Variants in GALNT13 observed in about 807,000 individuals in gnomAD.
The protein encoded by GALNT13 is UDP-GalNAc:polypeptide N-acetylgalactosaminyltransferase 13.
Under a neutral mutation model 64.2 loss-of-function variants are expected in GALNT13, and 28 were observed. The observed-to-expected ratio is 0.44, with a 90% CI of 0.32 to 0.60. The LOEUF is 0.60. Ranked by LOEUF, GALNT13 falls within the 20% of genes least tolerant of loss-of-function variation. The probability of loss-of-function intolerance (pLI) is 0.05; values close to 1 mark genes in which losing one functional copy is unlikely to be tolerated. For synonymous variants in GALNT13, 214 were observed against 224.6 expected, an observed-to-expected ratio of 0.95 and a Z score of 0.42; for missense variants, 577 against 669.8, an observed-to-expected ratio of 0.86 and a Z score of 1.53.
chr2:154,019,205 C>T (rs936237819), intron 3 of GALNT13, among the ~76,000 whole-genome samples: 1 of 152,034 alleles, frequency 6.6e-6, no homozygotes. Flanking sequence ...AGAAACTTAA[C>T]CAAGATATAA....
chr2:153,294,976 T>G, the GALNT13 span, among the ~76,000 whole-genome samples: 4 of 152,170 alleles, frequency 2.6e-5, no homozygotes, highest in Admixed American at 6.5e-5. Flanking sequence ...AGTGATCTCT[T>G]AGGAAACTGG....
At chr2:154,215,649 C>T (rs1363260848) in intron 4 of GALNT13, among the ~76,000 whole-genome samples, 1 of 152,036 alleles carries the variant, frequency 6.6e-6, no homozygotes, top group Non-Finnish European at 1.5e-5. Context: ...TGGTACATTC[C>T]TTTATGAGAC....
intron 4 of GALNT13, among the ~76,000 whole-genome samples, chr2:154,187,667 A>G (rs984522700): frequency 2.0e-5 from 3 of 152,146 alleles, no homozygotes; most frequent in Admixed American, 6.6e-5. Flanking sequence ...TTAGAGAGAC[A>G]TGTGAGCTCA....
chr2:153,490,334 GA>G, the GALNT13 span, among the ~76,000 whole-genome samples: 2 of 152,110 alleles, frequency 1.3e-5, no homozygotes, highest in Non-Finnish European at 2.9e-5. Flanking sequence ...GCCTGTTTAA[GA>G]AATTTTTAGT....
At chr2:153,351,533 A>G in the GALNT13 span, among the ~76,000 whole-genome samples, 1 of 152,106 alleles carries the variant, frequency 6.6e-6, no homozygotes, top group African/African-American at 2.4e-5. Flanking sequence ...ATGGATTTGG[A>G]CAAATGTCTA....
the GALNT13 span, among the ~76,000 whole-genome samples, chr2:153,526,520 A>C: frequency 6.6e-6 from 1 of 152,232 alleles, no homozygotes; most frequent in Non-Finnish European, 1.5e-5. Flanking sequence ...AAGCAGATAT[A>C]GCTTATATCA....
chr2:153,720,708 T>G, the GALNT13 span, among the ~76,000 whole-genome samples: 3 of 150,406 alleles, frequency 2.0e-5, no homozygotes, highest in South Asian at 6.4e-4. Context: ...AGAAAGGGTA[T>G]CAGCAATGGA....
chr2:154,055,482 T>C (rs11885079), intron 3 of GALNT13, among the ~76,000 whole-genome samples: 1,925 of 152,196 alleles, frequency 0.013, 37 homozygotes, highest in African/African-American at 0.044. Flanking sequence ...AAAACAAATA[T>C]ATAATCATTA....
chr2:153,270,444 G>A, the GALNT13 span, among the ~76,000 whole-genome samples: 1 of 152,214 alleles, frequency 6.6e-6, no homozygotes. Flanking sequence ...GCAAGTGATA[G>A]AGGTCAGATT....
chr2:153,181,689 A>G, the GALNT13 span, among the ~76,000 whole-genome samples: 1 of 145,928 alleles, frequency 6.9e-6, no homozygotes, highest in South Asian at 2.1e-4. Context: ...AAATATATTT[A>G]TATAATTATA....
chr2:153,764,564 A>G, the GALNT13 span, among the ~76,000 whole-genome samples: 1 of 152,290 alleles, frequency 6.6e-6, no homozygotes, highest in Admixed American at 6.5e-5. Context: ...TAAAAGATGA[A>G]AGTTGGAAAA....
chr2:154,261,908 G>C (rs980215734), intron 8 of GALNT13, among the ~76,000 whole-genome samples: 1 of 152,058 alleles, frequency 6.6e-6, no homozygotes, highest in Non-Finnish European at 1.5e-5. Context: ...AAAGAAGATA[G>C]AAATATTTAG....
At chr2:153,256,929 G>A in the GALNT13 span, among the ~76,000 whole-genome samples, 2 of 152,242 alleles carry the variant, frequency 1.3e-5, no homozygotes, top group South Asian at 4.1e-4. Flanking sequence ...TGCCCGCAGA[G>A]GTGGAGCCTG....
chr2:154,156,544 C>T (rs944672630), intron 4 of GALNT13, among the ~76,000 whole-genome samples: 1 of 152,092 alleles, frequency 6.6e-6, no homozygotes, highest in African/African-American at 2.4e-5. Flanking sequence ...CTGGAATTTT[C>T]AATCAAAGCC....
At chr2:153,234,480 C>T in the GALNT13 span, among the ~76,000 whole-genome samples, 1 of 152,106 alleles carries the variant, frequency 6.6e-6, no homozygotes, top group East Asian at 1.9e-4. Flanking sequence ...AATGCCATGT[C>T]ACTGGAGTAG....
At chr2:154,207,053 C>T (rs1006076927) in intron 4 of GALNT13, among the ~76,000 whole-genome samples, 3 of 152,136 alleles carry the variant, frequency 2.0e-5, no homozygotes, top group Admixed American at 2.0e-4. Flanking sequence ...CACACTGCTA[C>T]CAGAGATGAT....
At chr2:153,768,200 T>C in the GALNT13 span, among the ~76,000 whole-genome samples, 3 of 152,218 alleles carry the variant, frequency 2.0e-5, 1 homozygote, top group Admixed American at 2.0e-4. Flanking sequence ...AGACTTGCTT[T>C]ATGGCCAAGT....
intron 3 of GALNT13, among the ~76,000 whole-genome samples, chr2:154,023,027 G>T (rs1423318605): frequency 6.6e-6 from 1 of 152,152 alleles, no homozygotes; most frequent in East Asian, 1.9e-4. Context: ...TCTTAATCTT[G>T]AGTTCTAATT....
chr2:154,429,724 C>G (rs1700628081), intron 11 of GALNT13, among the ~76,000 whole-genome samples: 1 of 152,178 alleles, frequency 6.6e-6, no homozygotes, highest in African/African-American at 2.4e-5. Flanking sequence ...ACTTCCATAG[C>G]TAGAAAAGCG....
Sources: gnomAD v4.1 joint callset for allele counts (sites outside exome capture counted in the v4.1 genomes callset) on GRCh38, gnomAD v4.1.1 for gene constraint, MANE v1.5 for transcripts, NCBI Gene and HGNC (gene_info 2026-07-23, HGNC 2026-07-21) for gene names.